The following PTPRN2 variants were observed in gnomAD, a reference collection of about 807,000 sequenced individuals.
PTPRN2 encodes the protein receptor-type tyrosine-protein phosphatase N2.
A neutral mutation model predicts 118.8 loss-of-function variants in PTPRN2; 74 were observed. The ratio of observed to expected loss-of-function variants is 0.62; its 90% confidence interval spans 0.52 to 0.76. The LOEUF (loss-of-function observed/expected upper bound fraction) is 0.76. Ranked by LOEUF, PTPRN2 falls within the 30% of genes least tolerant of loss-of-function variation. The pLI is 0.00. For synonymous variants in PTPRN2, 641 were observed against 608.0 expected, an observed-to-expected ratio of 1.05 and a Z score of -0.80; for missense variants, 1,481 against 1,394.4, an observed-to-expected ratio of 1.06 and a Z score of -0.99.
chr7:157,887,723 T>G (rs1193144900), intron 12 of PTPRN2, among the ~76,000 whole-genome samples: 1 of 6,746 alleles, frequency 1.5e-4, no homozygotes, highest in Non-Finnish European at 2.5e-4. Context: ...CTCCCCCCAG[T>G]ACCCACTCCC....
At chr7:157,597,513 C>G (rs1356393830) in intron 16 of PTPRN2, among the ~76,000 whole-genome samples, 5 of 151,638 alleles carry the variant, frequency 3.3e-5, no homozygotes, top group Non-Finnish European at 7.4e-5. Context: ...GCAATTTCTA[C>G]AGCAACACAT....
chr7:158,504,453 GT>G lies in PTPRN2; in HGVS notation c.113-14669del, dbSNP rs572081282. Among the ~76,000 whole-genome samples, 56 of 152,252 alleles carry G rather than the reference GT, an allele frequency of 3.7e-4. No individual in the cohort carries two copies. The East Asian group carries it at 8.9e-3, about 24-fold the overall frequency. Reference sequence around the variant, plus strand: ...TATAAGTGAGAACATGCAGTGTTTGGTTTTCTGTTCCTGTGTTAGTTTGCCG... The same window carrying G: ...TATAAGTGAGAACATGCAGTGTTTGGTTTCTGTTCCTGTGTTAGTTTGCCG... On this transcript the variant is annotated intron_variant, in intron 1 of 22. Coordinates refer to ENST00000389418, the MANE Select transcript of PTPRN2 (RefSeq NM_002847.5).
intron 6 of PTPRN2, among the ~76,000 whole-genome samples, chr7:158,160,268 G>C (rs1047803812): frequency 4.6e-5 from 7 of 152,174 alleles, no homozygotes; most frequent in African/African-American, 1.4e-4. Flanking sequence ...TGAGAGGGCT[G>C]GGGGAAGGTC....
intron 11 of PTPRN2, among the ~76,000 whole-genome samples, chr7:158,019,990 A>G (rs570718782): frequency 1.3e-3 from 196 of 152,196 alleles, no homozygotes; most frequent in Non-Finnish European, 1.8e-3. Context: ...TCCTGCTCCA[A>G]ACCACACCGG....
intron 2 of PTPRN2, among the ~76,000 whole-genome samples, chr7:158,367,107 G>A (rs10244509): frequency 0.042 from 6,432 of 152,226 alleles, 448 homozygotes; most frequent in African/African-American, 0.15. Context: ...CTCAGGACTC[G>A]TGCCCCAGGC....
chr7:157,643,784 G>A (rs750567759), intron 14 of PTPRN2, among the ~76,000 whole-genome samples: 20 of 152,362 alleles, frequency 1.3e-4, no homozygotes, highest in Admixed American at 4.6e-4. Context: ...CTAGAAAGTG[G>A]TGGTGTCTAA....
intron 12 of PTPRN2, among the ~76,000 whole-genome samples, chr7:157,886,305 T>A (rs1282577481): frequency 6.6e-6 from 1 of 152,186 alleles, no homozygotes; most frequent in Non-Finnish European, 1.5e-5. Context: ...TCCCTGCGAC[T>A]GAAATCTATA....
At chr7:158,550,475 T>G (rs1056847219) in intron 1 of PTPRN2, among the ~76,000 whole-genome samples, 3 of 152,226 alleles carry the variant, frequency 2.0e-5, no homozygotes, top group Admixed American at 1.3e-4. Context: ...AGGGCTGAGG[T>G]CTGGGCAGGG....
At chr7:157,704,774 C>T (rs948674358) in intron 12 of PTPRN2, among the ~76,000 whole-genome samples, 2 of 152,214 alleles carry the variant, frequency 1.3e-5, no homozygotes, top group East Asian at 1.9e-4. Context: ...CTATTGCTCT[C>T]GTAACTTGCA....
At chr7:157,760,278 C>T (rs2151005013) in intron 12 of PTPRN2, among the ~76,000 whole-genome samples, 1 of 152,208 alleles carries the variant, frequency 6.6e-6, no homozygotes, top group East Asian at 1.9e-4. Context: ...CCAGGTTTGG[C>T]TCCCAGGAGT....
chr7:158,046,236 C>T (rs963359560), intron 11 of PTPRN2, among the ~76,000 whole-genome samples: 3 of 149,014 alleles, frequency 2.0e-5, no homozygotes, highest in African/African-American at 5.0e-5. Context: ...GCAGAACCTG[C>T]GTTCCTGGCG....
At chr7:158,313,573 C>A (rs574368449) in intron 3 of PTPRN2, among the ~76,000 whole-genome samples, 23 of 151,972 alleles carry the variant, frequency 1.5e-4, no homozygotes, top group Admixed American at 1.3e-3. Context: ...TGCAAGGATA[C>A]CTACGACCCC....
At chr7:158,196,710 C>T (rs1057026453) in intron 4 of PTPRN2, among the ~76,000 whole-genome samples, 1 of 152,164 alleles carries the variant, frequency 6.6e-6, no homozygotes, top group Non-Finnish European at 1.5e-5. Context: ...TCTTGGGGGA[C>T]TTCAATCCAG....
At chr7:158,503,459 C>T (rs1822518997) in intron 1 of PTPRN2, among the ~76,000 whole-genome samples, 1 of 152,178 alleles carries the variant, frequency 6.6e-6, no homozygotes, top group Non-Finnish European at 1.5e-5. Flanking sequence ...GGAAGGATGG[C>T]ACCCCTTCCT....
chr7:158,285,407 G>A (rs1279040098), intron 3 of PTPRN2, among the ~76,000 whole-genome samples: 1 of 152,202 alleles, frequency 6.6e-6, no homozygotes, highest in Non-Finnish European at 1.5e-5. Context: ...CTCCTCAGAA[G>A]GACAGGGATG....
At chr7:158,234,211 C>T (rs1278001874) in intron 3 of PTPRN2, among the ~76,000 whole-genome samples, 4 of 151,468 alleles carry the variant, frequency 2.6e-5, no homozygotes, top group Admixed American at 6.6e-5. Flanking sequence ...TATATGTAAA[C>T]GATCCATCTG....
intron 3 of PTPRN2, among the ~76,000 whole-genome samples, chr7:158,272,546 A>C (rs1343997231): frequency 6.6e-6 from 1 of 152,152 alleles, no homozygotes; most frequent in African/African-American, 2.4e-5. Context: ...CTCACTCTCT[A>C]CCAGAACGGC....
intron 12 of PTPRN2, among the ~76,000 whole-genome samples, chr7:157,788,233 G>A (rs1468758384): frequency 6.6e-6 from 1 of 152,122 alleles, no homozygotes; most frequent in Non-Finnish European, 1.5e-5. Context: ...AAAGTAGCCA[G>A]GTGTGGTAGC....
intron 19 of PTPRN2, among the ~76,000 whole-genome samples, chr7:157,571,822 T>C (rs1240226448): frequency 2.0e-5 from 3 of 152,252 alleles, no homozygotes; most frequent in African/African-American, 7.2e-5. Flanking sequence ...TTTCTGCTTA[T>C]GTTGACTTGA....
Sources: gnomAD v4.1 joint callset for allele counts (sites outside exome capture counted in the v4.1 genomes callset) on GRCh38, gnomAD v4.1.1 for gene constraint, MANE v1.5 for transcripts, NCBI Gene and HGNC (gene_info 2026-07-23, HGNC 2026-07-21) for gene names.